RPS6KC1: variants seen among roughly 807,000 people sequenced by gnomAD.
RPS6KC1 encodes the protein ribosomal protein S6 kinase C1, also known as inactive ribosomal protein S6 kinase delta-1.
In RPS6KC1, 54 loss-of-function variants were observed where a neutral mutation model predicts 103.8. The observed-to-expected ratio is 0.52, with a 90% CI of 0.42 to 0.65. The LOEUF is 0.65. RPS6KC1 is among the 30% of genes least tolerant of loss of function. The probability of loss-of-function intolerance (pLI) is 0.00; values close to 1 mark genes in which losing one functional copy is unlikely to be tolerated. For synonymous variants in RPS6KC1, 439 were observed against 438.7 expected (o/e 1.00, Z -0.01); for missense variants, 1,151 against 1,253.8 (o/e 0.92, Z 1.24).
At chr1:213,679,392 G>T in the RPS6KC1 span, among the ~76,000 whole-genome samples, 1 of 152,138 alleles carries the variant, frequency 6.6e-6, no homozygotes. Context: ...CGTGCTAAGT[G>T]GTGTATGTGC....
chr1:213,237,702 T>C (rs2094254520), intron 10 of RPS6KC1, among the ~76,000 whole-genome samples: 1 of 152,048 alleles, frequency 6.6e-6, no homozygotes. Flanking sequence ...AGAAAAACAA[T>C]AGACTTAAAA....
At chr1:213,468,785 C>T in the RPS6KC1 span, among the ~76,000 whole-genome samples, 2 of 152,176 alleles carry the variant, frequency 1.3e-5, no homozygotes, top group African/African-American at 4.8e-5. Context: ...CTTAAATGAT[C>T]TAGTTCGTGC....
the RPS6KC1 span, among the ~76,000 whole-genome samples, chr1:213,683,734 C>A: frequency 1.3e-5 from 2 of 152,164 alleles, no homozygotes; most frequent in Non-Finnish European, 2.9e-5. Flanking sequence ...GGACCTTGGC[C>A]CGGCCCGTCC....
the RPS6KC1 span, among the ~76,000 whole-genome samples, chr1:213,298,141 A>G: frequency 6.6e-6 from 1 of 152,210 alleles, no homozygotes; most frequent in Non-Finnish European, 1.5e-5. Context: ...TTGCTTCAAC[A>G]TCATGCTGGG....
chr1:213,727,735 G>A, the RPS6KC1 span, among the ~76,000 whole-genome samples: 1 of 152,126 alleles, frequency 6.6e-6, no homozygotes, highest in Admixed American at 6.5e-5. Context: ...AATTAAAAGA[G>A]ATTTTCAATT....
chr1:213,631,937 A>G, the RPS6KC1 span, among the ~76,000 whole-genome samples: 1 of 152,184 alleles, frequency 6.6e-6, no homozygotes, highest in African/African-American at 2.4e-5. Context: ...TACCCCTGGC[A>G]AACACTGATC....
chr1:213,688,009 C>T, the RPS6KC1 span, among the ~76,000 whole-genome samples: 1 of 152,166 alleles, frequency 6.6e-6, no homozygotes, highest in Non-Finnish European at 1.5e-5. Flanking sequence ...GATTGATGAC[C>T]ACTCTCAGAT....
At chr1:213,854,554 T>TTCTTTCTTTCTTTCTTTCTTTC in the RPS6KC1 span, among the ~76,000 whole-genome samples, 1 of 108,474 alleles carries the variant, frequency 9.2e-6, no homozygotes, top group South Asian at 2.9e-4. Context: ...CTTTCTTTCT[T>TTCTTTCTTTCTTTCTTTCTTTC]TCTTTCTTTC....
intron 6 of RPS6KC1, among the ~76,000 whole-genome samples, chr1:213,139,374 T>C (rs764631478): frequency 1.4e-4 from 22 of 152,118 alleles, no homozygotes; most frequent in Non-Finnish European, 2.6e-4. Flanking sequence ...TCAGTGTTTT[T>C]GTTGCAAATT....
At chr1:213,499,349 G>A in the RPS6KC1 span, among the ~76,000 whole-genome samples, 1 of 152,152 alleles carries the variant, frequency 6.6e-6, no homozygotes, top group Non-Finnish European at 1.5e-5. Flanking sequence ...ACACCATGGA[G>A]CCCCGGCCCC....
intron 4 of RPS6KC1, among the ~76,000 whole-genome samples, chr1:213,115,713 A>C: frequency 6.6e-6 from 1 of 152,142 alleles, no homozygotes; most frequent in African/African-American, 2.4e-5. Flanking sequence ...TTCCCTCTAC[A>C]CACTGCTTTG....
In RPS6KC1 at chr1:213,273,967, C is replaced by T. The variant is rs1186162185; in HGVS notation, c.*1333C>T. The T allele has an allele frequency of 6.6e-6, 1 of 152,184 alleles. No individual in the cohort carries two copies. The highest frequency in any genetic ancestry group is 1.5e-5 in the Non-Finnish European group (1 of 68,046). 9.4% of individuals were successfully genotyped at this position (152,184 alleles called of 1,614,324 possible). ...TCTGTGTGAGAGCCCAACCCCACTC[C>T]AGGAGCATCTGTACAGCTTCCATCT... On this transcript the variant is annotated 3_prime_UTR_variant, in exon 15 of 15. Coordinates refer to ENST00000366960, the MANE Select transcript of RPS6KC1 (RefSeq NM_012424.6).
the RPS6KC1 span, among the ~76,000 whole-genome samples, chr1:213,664,194 G>GGGGT: frequency 1.4e-5 from 2 of 144,358 alleles, no homozygotes; most frequent in South Asian, 2.4e-4. Flanking sequence ...GAAATGAGCG[G>GGGGT]GGGGGCGGGG....
intron 5 of RPS6KC1, among the ~76,000 whole-genome samples, chr1:213,126,418 G>A (rs1268995689): frequency 6.6e-6 from 1 of 151,944 alleles, no homozygotes; most frequent in Non-Finnish European, 1.5e-5. Context: ...TTCTTTTGGG[G>A]CATTCTAAGA....
chr1:213,198,192 C>T (rs569365857), intron 8 of RPS6KC1, among the ~76,000 whole-genome samples: 58 of 152,228 alleles, frequency 3.8e-4, no homozygotes, highest in African/African-American at 9.4e-4. Flanking sequence ...AATACTTTAT[C>T]TCTCCTTCAT....
At chr1:213,735,004 A>T in the RPS6KC1 span, among the ~76,000 whole-genome samples, 4 of 152,212 alleles carry the variant, frequency 2.6e-5, no homozygotes, top group East Asian at 7.8e-4. Flanking sequence ...GCTCACTGCA[A>T]GCTCCACCTC....
chr1:213,397,309 C>T, the RPS6KC1 span, among the ~76,000 whole-genome samples: 1 of 152,046 alleles, frequency 6.6e-6, no homozygotes, highest in East Asian at 1.9e-4. Context: ...TCCCATTCTG[C>T]TTTCTTTTTT....
chr1:213,324,406 A>G, the RPS6KC1 span, among the ~76,000 whole-genome samples: 4 of 152,176 alleles, frequency 2.6e-5, no homozygotes, highest in African/African-American at 9.7e-5. Flanking sequence ...TTAAACATCC[A>G]AGATATAAAA....
chr1:213,242,457 GCCATTATTCTTAATGATA>G (rs1359670324), intron 11 of RPS6KC1, 94 bp from the exon 12 acceptor site: 2 of 1,095,652 alleles, frequency 1.8e-6, no homozygotes, highest in East Asian at 4.9e-5. Context: ...ACTTAATGAT[GCCATTATTCTTAATGATA>G]CTGTTTTTAG....
Sources: allele counts gnomAD v4.1 joint callset (sites outside exome capture counted in the v4.1 genomes callset), GRCh38; gene constraint gnomAD v4.1.1; transcripts MANE v1.5; gene names NCBI Gene and HGNC (gene_info 2026-07-23, HGNC 2026-07-21).